Variants in TNS1 observed in about 807,000 individuals in gnomAD.
TNS1 encodes tensin 1.
In TNS1, 62 loss-of-function variants were observed where a neutral mutation model predicts 168.6. That is an observed-to-expected ratio of 0.37 (90% confidence interval 0.30 to 0.45). The LOEUF (loss-of-function observed/expected upper bound fraction) is 0.45, where lower values mean the gene tolerates loss of function less well. TNS1 is among the 20% of genes least tolerant of loss of function. The pLI, the probability that TNS1 is intolerant of heterozygous loss-of-function variation, is 1.00. For missense variants in TNS1, 2,240 were observed against 2,339.4 expected, an observed-to-expected ratio of 0.96 and a Z score of 0.88; for synonymous variants, 934 against 933.2, an observed-to-expected ratio of 1.00 and a Z score of -0.02.
Position 217,891,993 on chromosome 2 carries a change from T to C in TNS1, c.783-948A>G, listed in dbSNP as rs139865643. 4.2e-4 allele frequency among the ~76,000 whole-genome samples: 64 copies of C among 152,356 alleles called. 1 individual carries two copies. Among genetic ancestry groups the C allele is most frequent in the African/African-American group, 1.1e-3 (47 of 41,586 alleles). On this transcript the variant is annotated intron_variant, in intron 11 of 32. Coordinates refer to ENST00000682258, the MANE Select transcript of TNS1 (RefSeq NM_001387777.1). The stretch of plus-strand genomic sequence containing the variant: ...GATAATTATCACCTGCTATTACTAA[T>C]GTATTTGTTTATGTGTTTAATGCCC...
chr2:217,832,992 C>A (rs1944658668), intron 21 of TNS1, among the ~76,000 whole-genome samples: 1 of 152,144 alleles, frequency 6.6e-6, no homozygotes, highest in East Asian at 1.9e-4. Flanking sequence ...ACCGCCACAC[C>A]CCCTCTTCCC....
At chr2:218,016,072 G>T (rs895607428) in intron 1 of TNS1, among the ~76,000 whole-genome samples, 1 of 152,050 alleles carries the variant, frequency 6.6e-6, no homozygotes, top group Non-Finnish European at 1.5e-5. Context: ...GGCAGGGGAG[G>T]GCCCAGTCTG....
intron 3 of TNS1, among the ~76,000 whole-genome samples, chr2:217,935,469 C>G (rs1392962610): frequency 6.6e-6 from 1 of 152,208 alleles, no homozygotes; most frequent in Non-Finnish European, 1.5e-5. Context: ...CGCCTCTGCT[C>G]TCCCAGGGCT....
intron 19 of TNS1, among the ~76,000 whole-genome samples, chr2:217,837,006 C>T (rs1945264442): frequency 6.6e-6 from 1 of 152,150 alleles, no homozygotes; most frequent in Non-Finnish European, 1.5e-5. Flanking sequence ...TCCCTCTTCC[C>T]ACAGCTGGGC....
intron 3 of TNS1, among the ~76,000 whole-genome samples, chr2:217,931,673 C>T (rs1019098959): frequency 2.6e-5 from 4 of 152,208 alleles, no homozygotes; most frequent in Non-Finnish European, 4.4e-5. Flanking sequence ...AGGTGTTCAC[C>T]TCCCTGTTTC....
intron 8 of TNS1, 26 bp from the exon 9 acceptor site, chr2:217,895,082 A>G (rs1952143711): frequency 1.9e-6 from 3 of 1,603,534 alleles, no homozygotes; most frequent in South Asian, 1.1e-5. Flanking sequence ...GGAAGAGAGC[A>G]TGAGGAGGTG....
chr2:217,887,048 C>A (rs932790028), intron 12 of TNS1, among the ~76,000 whole-genome samples: 3 of 152,298 alleles, frequency 2.0e-5, no homozygotes, highest in Admixed American at 1.3e-4. Flanking sequence ...ACAGCTCTGA[C>A]GCCCTCACAC....
At chr2:217,910,626 C>T (rs573511122) in intron 4 of TNS1, among the ~76,000 whole-genome samples, 1 of 151,972 alleles carries the variant, frequency 6.6e-6, no homozygotes, top group African/African-American at 2.4e-5. Context: ...CCAGCTGGCA[C>T]TCCCGGGACC....
At chr2:217,847,441 A>G (rs1574783837) in intron 19 of TNS1, 69 bp downstream of exon 19, 1 of 1,346,836 alleles carries the variant, frequency 7.4e-7, no homozygotes, top group East Asian at 2.5e-5. Context: ...TCATGGCTGG[A>G]CCTGCACCTC....
At chr2:217,888,540 G>C (rs754945806) in intron 12 of TNS1, among the ~76,000 whole-genome samples, 1 of 152,214 alleles carries the variant, frequency 6.6e-6, no homozygotes, top group African/African-American at 2.4e-5. Context: ...CTCATCTTGA[G>C]TTGTAGCTCC....
At chr2:217,981,933 C>T (rs919957718) in intron 2 of TNS1, among the ~76,000 whole-genome samples, 4 of 152,246 alleles carry the variant, frequency 2.6e-5, no homozygotes, top group African/African-American at 9.6e-5. Context: ...GCCAATATTT[C>T]TTGCCTCTGC....
intron 1 of TNS1, among the ~76,000 whole-genome samples, chr2:217,997,992 G>A (rs191300685): frequency 6.6e-6 from 1 of 152,356 alleles, no homozygotes; most frequent in African/African-American, 2.4e-5. Flanking sequence ...CCAGCCCTCA[G>A]AAGAAAGAGA....
At chr2:217,994,722 A>C (rs182663857) in intron 1 of TNS1, among the ~76,000 whole-genome samples, 1 of 152,182 alleles carries the variant, frequency 6.6e-6, no homozygotes, top group Admixed American at 6.5e-5. Context: ...AGCCCCAAGA[A>C]ATCTGAGTTT....
chr2:217,808,049 G>A lies in TNS1; in HGVS notation c.5375+26C>T. The A allele has an allele frequency of 3.1e-6, 5 of 1,612,880 alleles. No homozygotes were observed. The African/African-American group carries it at 4.0e-5, about 13-fold the overall frequency. On this transcript the variant is annotated intron_variant, in intron 32 of 32. Transcript: ENST00000682258. ...TGTGAAGTACAAAGGCCAGCCTGCT[G>A]GGCAGGGGTAAGAAGTCACACTTAC...
intron 18 of TNS1, among the ~76,000 whole-genome samples, chr2:217,871,636 C>T (rs373796998): frequency 6.6e-6 from 1 of 152,264 alleles, no homozygotes; most frequent in African/African-American, 2.4e-5. Flanking sequence ...GTGGTGCACA[C>T]GAGTTCTCTC....
chr2:217,863,396 C>T (rs1574862253), intron 18 of TNS1, among the ~76,000 whole-genome samples: 1 of 152,190 alleles, frequency 6.6e-6, no homozygotes, highest in Non-Finnish European at 1.5e-5. Context: ...CTAGTGGGTA[C>T]AGGCCAAAGA....
chr2:217,813,968 C>T lies in TNS1; in HGVS notation c.4730-152G>A. ...AATTTAACTACTCCTACGGGTCTTC[C>T]TGTACTCAGGTTGGCAAACTTATTC... On this transcript the variant is annotated intron_variant, in intron 25 of 32. Coordinates refer to ENST00000682258, the MANE Select transcript of TNS1 (RefSeq NM_001387777.1). The surrounding 1 kb of genome is among the most constrained non-coding windows in gnomAD (Gnocchi z 4.0). 1.1e-6 allele frequency: 1 copy of T among 931,006 alleles called. No homozygotes were observed. Among genetic ancestry groups the T allele is most frequent in the Non-Finnish European group, 1.5e-6 (1 of 676,630 alleles). The allele number at this position is 931,006 out of a possible 1,614,324, so 57.7% of individuals were successfully genotyped here.
chr2:217,897,780 A>C lies in TNS1; in HGVS notation c.543+18T>G, dbSNP rs754424792. 5 of 1,576,892 alleles carry C rather than the reference A, an allele frequency of 3.2e-6. No homozygotes were observed. Among genetic ancestry groups the C allele is most frequent in the Non-Finnish European group, 4.3e-6 (5 of 1,161,478 alleles). On this transcript the variant is annotated intron_variant, in intron 8 of 32. Coordinates refer to ENST00000682258, the MANE Select transcript of TNS1 (RefSeq NM_001387777.1). ...GCATAGAGGGCACAGGACAGTGGGC[A>C]CGAGGATCCATCCTCACCAGGTAGT...
At chr2:217,808,539 G>T in intron 31 of TNS1, 64 bp downstream of exon 31, 3 of 1,453,228 alleles carry the variant, frequency 2.1e-6, no homozygotes, top group South Asian at 2.3e-5. Context: ...GCACATGCAT[G>T]CACCCACACA....
Sources: allele counts gnomAD v4.1 joint callset (sites outside exome capture counted in the v4.1 genomes callset), GRCh38; gene constraint gnomAD v4.1.1; non-coding constraint Gnocchi (gnomAD v3.1); transcripts MANE v1.5; gene names NCBI Gene and HGNC (gene_info 2026-07-23, HGNC 2026-07-21).